The following ST3GAL6 variants were observed in gnomAD, a reference collection of about 807,000 sequenced individuals.
The protein encoded by ST3GAL6 is type 2 lactosamine alpha-2,3-sialyltransferase.
A neutral mutation model predicts 40.5 loss-of-function variants in ST3GAL6; 31 were observed. The observed-to-expected ratio is 0.77, with a 90% CI of 0.58 to 1.03. The LOEUF (loss-of-function observed/expected upper bound fraction) is 1.03, where lower values mean the gene tolerates loss of function less well. ST3GAL6 is among the 50% of genes least tolerant of loss of function. The pLI, the probability that ST3GAL6 is intolerant of heterozygous loss-of-function variation, is 0.00. For missense variants in ST3GAL6, 357 were observed against 393.2 expected (o/e 0.91, Z 0.78); for synonymous variants, 129 against 136.9 (o/e 0.94, Z 0.40).
chr3:98,738,101 C>G (rs1935719176), intron 1 of ST3GAL6, among the ~76,000 whole-genome samples: 1 of 132,106 alleles, frequency 7.6e-6, no homozygotes, highest in Admixed American at 8.0e-5. Context: ...TCCCCCCACC[C>G]CCGCCTTTCC....
chr3:98,787,371 T>G (rs1248923692), intron 6 of ST3GAL6, among the ~76,000 whole-genome samples: 1 of 152,188 alleles, frequency 6.6e-6, no homozygotes, highest in African/African-American at 2.4e-5. Flanking sequence ...GGGACACTGT[T>G]TTGGAAACAA....
intron 2 of ST3GAL6, among the ~76,000 whole-genome samples, chr3:98,769,907 C>T (rs1438966913): frequency 6.6e-6 from 1 of 152,076 alleles, no homozygotes; most frequent in Non-Finnish European, 1.5e-5. Context: ...GTGTGCTGGT[C>T]CACCATATTT....
intron 6 of ST3GAL6, among the ~76,000 whole-genome samples, chr3:98,786,985 TTA>T (rs1491131361): frequency 6.8e-5 from 10 of 146,096 alleles, no homozygotes; most frequent in Non-Finnish European, 4.5e-5. Flanking sequence ...TGTGTGTGTG[TTA>T]GGAGTAGCTA....
upstream of ST3GAL6, chr3:98,763,218 A>G: frequency 1.6e-6 from 2 of 1,214,252 alleles, no homozygotes; most frequent in Non-Finnish European, 2.1e-6. Flanking sequence ...TCTGTTGTAG[A>G]TTTGCTCATG....
At chr3:98,748,120 C>G (rs1559725273) in intron 1 of ST3GAL6, among the ~76,000 whole-genome samples, 1 of 152,114 alleles carries the variant, frequency 6.6e-6, no homozygotes, top group East Asian at 1.9e-4. Flanking sequence ...TTAGGCACAC[C>G]TAATATTTCA....
intron 1 of ST3GAL6, among the ~76,000 whole-genome samples, 187 bp downstream of exon 1, chr3:98,763,626 A>G (rs768361691): frequency 2.0e-5 from 3 of 152,060 alleles, no homozygotes; most frequent in Non-Finnish European, 2.9e-5. Context: ...GGGTTTGAGA[A>G]GAGACCTAGT....
In ST3GAL6 at chr3:98,794,009, G is replaced by T; in HGVS notation, c.*248G>T. The T allele has an allele frequency of 3.5e-6, 1 of 284,736 alleles. No individual in the cohort carries two copies. Among genetic ancestry groups the T allele is most frequent in the Non-Finnish European group, 6.5e-6 (1 of 153,398 alleles). The allele number at this position is 284,736 out of a possible 1,614,324, so 17.6% of individuals were successfully genotyped here. On this transcript the variant is annotated 3_prime_UTR_variant, in exon 10 of 10. Coordinates refer to ENST00000483910, the MANE Select transcript of ST3GAL6 (RefSeq NM_001323368.2). Reference sequence around the variant, plus strand: ...TTTTTAAAATAAGCTAGTTTTCTGAGGTGTTTTCACACGTCTTTTTATAGT... The same window carrying T: ...TTTTTAAAATAAGCTAGTTTTCTGATGTGTTTTCACACGTCTTTTTATAGT...
Position 98,758,026 on chromosome 3 carries a change from G to A in ST3GAL6, c.-11-10404G>A, listed in dbSNP as rs1030604860. 8.0e-4 allele frequency among the ~76,000 whole-genome samples: 122 copies of A among 152,086 alleles called. 1 individual carries two copies. The highest frequency in any genetic ancestry group is 2.8e-3 in the African/African-American group (115 of 41,486). ...TAATTTTTGTATTATTTAGTAGAGC[G>A]GGGTTTCACTATATGTTGGCCAGGC... On this transcript the variant is annotated intron_variant, in intron 1 of 9. Coordinates refer to the ST3GAL6 transcript ENST00000265261.
chr3:98,737,248 G>A (rs543033646), intron 1 of ST3GAL6, among the ~76,000 whole-genome samples: 1 of 151,890 alleles, frequency 6.6e-6, no homozygotes, highest in South Asian at 2.1e-4. Context: ...ATGGGGTTTC[G>A]CCATGTTGGC....
At chr3:98,733,928 A>G (rs1935294185) in intron 1 of ST3GAL6, among the ~76,000 whole-genome samples, 1 of 152,184 alleles carries the variant, frequency 6.6e-6, no homozygotes, top group African/African-American at 2.4e-5. Context: ...GTGTATCAGA[A>G]ATCACACCGA....
intron 1 of ST3GAL6, among the ~76,000 whole-genome samples, chr3:98,758,338 A>G (rs764963562): frequency 1.3e-5 from 2 of 152,170 alleles, no homozygotes; most frequent in Admixed American, 6.5e-5. Context: ...TGAGAATGAA[A>G]CCTATTTCAT....
rs561002835 is a variant in ST3GAL6, at chr3:98,791,102, C to T, written c.757-739C>T. ...AAAGCTTAAGATGTATCTTGTTTTT[C>T]GCTTTGAAGGCCATCTCAGTGAGAA... On this transcript the variant is annotated intron_variant, in intron 8 of 9. Coordinates refer to ENST00000483910, the MANE Select transcript of ST3GAL6 (RefSeq NM_001323368.2). 3.9e-5 allele frequency among the ~76,000 whole-genome samples: 6 copies of T among 152,098 alleles called. 1 individual carries two copies. Among genetic ancestry groups the T allele is most frequent in the East Asian group, 1.9e-4 (1 of 5,174 alleles).
chr3:98,763,578 GT>G, intron 1 of ST3GAL6, 139 bp downstream of exon 1: 2 of 752,730 alleles, frequency 2.7e-6, no homozygotes, highest in Non-Finnish European at 3.8e-6. Context: ...GCACAAAGAT[GT>G]GAGTTACTGA....
intron 7 of ST3GAL6, 24 bp from the exon 8 acceptor site, chr3:98,788,297 GTTCTA>G (rs1178292449): frequency 6.2e-7 from 1 of 1,600,268 alleles, no homozygotes; most frequent in Non-Finnish European, 8.5e-7. Context: ...CAGCCACACT[GTTCTA>G]TTCTCTATAT....
At chr3:98,788,517 A>G (rs1291178117) in intron 8 of ST3GAL6, 54 bp downstream of exon 8, 3 of 1,520,290 alleles carry the variant, frequency 2.0e-6, no homozygotes, top group Non-Finnish European at 2.6e-6. Flanking sequence ...GAGGTAGGAT[A>G]GAGGGTCCTG....
chr3:98,759,509 C>T (rs1173610991), upstream of ST3GAL6, among the ~76,000 whole-genome samples: 1 of 152,088 alleles, frequency 6.6e-6, no homozygotes, highest in Non-Finnish European at 1.5e-5. Flanking sequence ...ATTGTGCACC[C>T]ATAATGTGAC....
intron 1 of ST3GAL6, among the ~76,000 whole-genome samples, chr3:98,748,000 A>G (rs1178281462): frequency 1.3e-5 from 2 of 152,090 alleles, no homozygotes; most frequent in African/African-American, 2.4e-5. Flanking sequence ...TAACATTTGG[A>G]CCTCTATTAA....
At chr3:98,790,309 C>T (rs562413156) in intron 8 of ST3GAL6, among the ~76,000 whole-genome samples, 3 of 152,096 alleles carry the variant, frequency 2.0e-5, no homozygotes, top group Non-Finnish European at 4.4e-5. Flanking sequence ...AAAATATACA[C>T]TAGTGAAAAG....
chr3:98,737,355 C>CCTGTCTCT (rs771813758), intron 1 of ST3GAL6, among the ~76,000 whole-genome samples: 17 of 152,230 alleles, frequency 1.1e-4, no homozygotes, highest in Non-Finnish European at 2.4e-4. Context: ...GCGGCCCCTT[C>CCTGTCTCT]CTGTCTCTCT....
Sources: allele counts gnomAD v4.1 joint callset (sites outside exome capture counted in the v4.1 genomes callset), GRCh38; gene constraint gnomAD v4.1.1; transcripts MANE v1.5; gene names NCBI Gene and HGNC (gene_info 2026-07-23, HGNC 2026-07-21).